The following IGF1R variants were observed in gnomAD, a reference collection of about 807,000 sequenced individuals.
IGF1R encodes insulin like growth factor 1 receptor, also known as insulin-like growth factor 1 receptor.
IGF1R carries 44 observed loss-of-function variants against 144.6 expected under a neutral mutation model. The ratio of observed to expected loss-of-function variants is 0.30; its 90% confidence interval spans 0.24 to 0.39. The LOEUF (loss-of-function observed/expected upper bound fraction) is 0.39, where lower values mean the gene tolerates loss of function less well. Among genes scored for constraint, IGF1R ranks in the 10% least tolerant of loss-of-function variants. The pLI, the probability that IGF1R is intolerant of heterozygous loss-of-function variation, is 1.00. For synonymous variants in IGF1R, 795 were observed against 722.8 expected (o/e 1.10, Z -1.60); for missense variants, 1,355 against 1,833.7 (o/e 0.74, Z 4.77).
At chr15:98,787,200 C>T (rs919755248) in intron 2 of IGF1R, among the ~76,000 whole-genome samples, 4 of 152,172 alleles carry the variant, frequency 2.6e-5, no homozygotes, top group African/African-American at 9.7e-5. Flanking sequence ...TCTCTGGGCA[C>T]ACCTGTCTCT....
chr15:98,788,140 A>T (rs1173203158), intron 2 of IGF1R, among the ~76,000 whole-genome samples: 1 of 151,736 alleles, frequency 6.6e-6, no homozygotes, highest in Non-Finnish European at 1.5e-5. Flanking sequence ...GTGACCTCCT[A>T]CACATGCCCG....
At chr15:98,659,481 A>T (rs958690655) in intron 1 of IGF1R, among the ~76,000 whole-genome samples, 1 of 152,268 alleles carries the variant, frequency 6.6e-6, no homozygotes, top group African/African-American at 2.4e-5. Context: ...AGCGATCCCA[A>T]CCCACTCTCT....
At chr15:98,846,489 C>CT (rs754884459) in intron 2 of IGF1R, among the ~76,000 whole-genome samples, 3 of 152,200 alleles carry the variant, frequency 2.0e-5, no homozygotes, top group Non-Finnish European at 4.4e-5. Flanking sequence ...AATTTAAGTA[C>CT]AGGAAAAGTT....
In IGF1R at chr15:98,957,089, T is replaced by C; in HGVS notation, c.3751T>C (p.Tyr1251His). Reference protein sequence around the residue: ...LFELMRMCWQYNPKMRPSFLE... With the variant: ...LFELMRMCWQHNPKMRPSFLE... ...TGAACTGATGCGCATGTGCTGGCAG[T>C]ATAACCCCAAGATGAGGCCTTCCTT... The change falls in exon 21 of 21, where the codon TAT (tyrosine) becomes CAT (histidine). Residue 1251 changes from tyrosine to histidine, a missense_variant. This residue lies in a region of IGF1R where 219 missense variants were observed against 188.8 expected (regional missense o/e 1.16). Transcript: ENST00000650285. The C allele has an allele frequency of 6.2e-7, 1 of 1,614,218 alleles. No individual in the cohort carries two copies. The highest frequency in any genetic ancestry group is 8.5e-7 in the Non-Finnish European group (1 of 1,180,034).
At chr15:98,651,509 A>ATT (rs1567057771) in intron 1 of IGF1R, among the ~76,000 whole-genome samples, 2 of 152,182 alleles carry the variant, frequency 1.3e-5, no homozygotes, top group African/African-American at 4.8e-5. Context: ...GAAATAATCC[A>ATT]TTTTGTTATG....
intron 2 of IGF1R, among the ~76,000 whole-genome samples, chr15:98,770,545 A>T (rs1394816895): frequency 6.6e-6 from 1 of 152,254 alleles, no homozygotes; most frequent in Non-Finnish European, 1.5e-5. Context: ...CATTGCATAC[A>T]TGTTTCAAAA....
At chr15:98,679,801 G>A (rs1346562149) in intron 1 of IGF1R, among the ~76,000 whole-genome samples, 1 of 152,182 alleles carries the variant, frequency 6.6e-6, no homozygotes, top group East Asian at 1.9e-4. Context: ...AGGAGCTGAT[G>A]GCTCCGCCTG....
intron 19 of IGF1R, among the ~76,000 whole-genome samples, chr15:98,946,356 G>A (rs2016553882): frequency 6.6e-6 from 1 of 152,098 alleles, no homozygotes; most frequent in Non-Finnish European, 1.5e-5. Flanking sequence ...AGGCATCCTG[G>A]ACTAATTCTT....
intron 2 of IGF1R, among the ~76,000 whole-genome samples, chr15:98,749,683 T>C (rs2054957682): frequency 6.6e-6 from 1 of 152,362 alleles, no homozygotes; most frequent in Non-Finnish European, 1.5e-5. Flanking sequence ...GTAACAATTA[T>C]GCCTTACAGG....
At chr15:98,849,333 G>A (rs1394484484) in intron 2 of IGF1R, among the ~76,000 whole-genome samples, 1 of 152,166 alleles carries the variant, frequency 6.6e-6, no homozygotes, top group Non-Finnish European at 1.5e-5. Flanking sequence ...TGTAAATTAT[G>A]GCCCAATCAT....
At chr15:98,856,531 T>C (rs555458713) in intron 2 of IGF1R, among the ~76,000 whole-genome samples, 3 of 152,266 alleles carry the variant, frequency 2.0e-5, no homozygotes, top group Admixed American at 2.0e-4. Flanking sequence ...ACATAGATGC[T>C]GTATGCCTTT....
chr15:98,884,154 G>A (rs1194956066), intron 2 of IGF1R, among the ~76,000 whole-genome samples: 1 of 152,130 alleles, frequency 6.6e-6, no homozygotes, highest in East Asian at 1.9e-4. Flanking sequence ...CCTGTGAACG[G>A]TGGCAGCCTT....
chr15:98,935,046 A>C lies in IGF1R; in HGVS notation c.3179A>C (p.His1060Pro). ...EASVMKEFNCHHVVRLLGVVS... is the reference protein window; with the variant it reads ...EASVMKEFNCPHVVRLLGVVS... ...TCTGTGATGAAGGAGTTCAATTGTCACCATGTGGTAAGAGAAAGTTCCTGA... is the reference window on the plus strand; with the variant it reads ...TCTGTGATGAAGGAGTTCAATTGTCCCCATGTGGTAAGAGAAAGTTCCTGA... Residue 1060 changes from histidine to proline, a missense_variant, in exon 16 of 21, where the codon CAC becomes CCC. By Grantham distance (77) the His-to-Pro change is moderately conservative. Coordinates refer to ENST00000650285, the MANE Select transcript of IGF1R (RefSeq NM_000875.5). This position sits in a 1 kb window ranked among gnomAD's most constrained non-coding sequence, Gnocchi z 4.2. The C allele has an allele frequency of 6.2e-7, 1 of 1,612,952 alleles. No homozygotes were observed.
chr15:98,915,455 C>T (rs948117531), intron 8 of IGF1R, among the ~76,000 whole-genome samples: 5 of 152,194 alleles, frequency 3.3e-5, no homozygotes, highest in African/African-American at 1.2e-4. Flanking sequence ...GTGACATGGG[C>T]ATGCACACTC....
intron 2 of IGF1R, among the ~76,000 whole-genome samples, chr15:98,773,538 A>G (rs1352143262): frequency 1.3e-5 from 2 of 152,112 alleles, no homozygotes; most frequent in Admixed American, 1.3e-4. Flanking sequence ...TGGATCAGCA[A>G]CCATTTCCTT....
chr15:98,928,750 C>T (rs922708687), intron 13 of IGF1R, among the ~76,000 whole-genome samples: 3 of 152,128 alleles, frequency 2.0e-5, no homozygotes, highest in South Asian at 2.1e-4. Context: ...TCCCATGTCC[C>T]ACAGAATGTT....
chr15:98,833,061 C>T (rs1338838608), intron 2 of IGF1R, among the ~76,000 whole-genome samples: 1 of 152,110 alleles, frequency 6.6e-6, no homozygotes. Flanking sequence ...GGGCCTTTCC[C>T]CCTAGACTTA....
rs571268907 is a variant in IGF1R, at chr15:98,882,239, G to T, written c.641-9086G>T. On this transcript the variant is annotated intron_variant, in intron 2 of 20. Transcript: ENST00000650285. ...GGAATATTGTTTGAAAGTCTGACCT[G>T]TACAAAGCAGCACTCACTTCCCCTG... is the stretch of plus-strand genomic sequence containing the variant. Among the ~76,000 whole-genome samples the T allele has an allele frequency of 7.2e-5, 11 of 152,332 alleles. No homozygotes were observed. The South Asian group carries it at 2.1e-3, about 29-fold the overall frequency.
At chr15:98,952,595 G>A (rs752330731) in intron 20 of IGF1R, among the ~76,000 whole-genome samples, 6 of 152,076 alleles carry the variant, frequency 3.9e-5, no homozygotes, top group East Asian at 3.9e-4. Flanking sequence ...GAGGGAGAGC[G>A]GTATTGTTCT....
Sources: gnomAD v4.1 joint callset for allele counts (sites outside exome capture counted in the v4.1 genomes callset) on GRCh38, gnomAD v4.1.1 for gene constraint, gnomAD v4.1.1 regional missense constraint, Gnocchi (gnomAD v3.1) non-coding constraint, MANE v1.5 for transcripts, NCBI Gene and HGNC (gene_info 2026-07-23, HGNC 2026-07-21) for gene names.